WDFY1: variants seen among roughly 807,000 people sequenced by gnomAD.
WDFY1 encodes the protein WD repeat and FYVE domain-containing protein 1.
WDFY1 carries 32 observed loss-of-function variants against 56.4 expected under a neutral mutation model. That is an observed-to-expected ratio of 0.57 (90% CI 0.43 to 0.76). WDFY1 has a LOEUF of 0.76. WDFY1 is among the 30% of genes least tolerant of loss of function. The probability of loss-of-function intolerance (pLI) is 0.00; values close to 1 mark genes in which losing one functional copy is unlikely to be tolerated. For synonymous variants in WDFY1, 192 were observed against 197.3 expected (o/e 0.97, Z 0.23); for missense variants, 480 against 545.7 (o/e 0.88, Z 1.20).
chr2:223,939,591 G>A (rs1452512535), intron 1 of WDFY1, among the ~76,000 whole-genome samples: 2 of 152,130 alleles, frequency 1.3e-5, no homozygotes, highest in Admixed American at 1.3e-4. Context: ...TGTCTTACAT[G>A]GTAGCAGACA....
chr2:223,880,069 A>G, intron 11 of WDFY1, 55 bp downstream of exon 11: 2 of 1,446,116 alleles, frequency 1.4e-6, no homozygotes, highest in Non-Finnish European at 1.9e-6. Flanking sequence ...GCACATTCAC[A>G]GCATGGTAAT....
Position 223,878,302 on chromosome 2 carries a change from T to A in WDFY1, c.*369A>T, listed in dbSNP as rs1274909705. 3 of 158,910 alleles carry A rather than the reference T, an allele frequency of 1.9e-5. No individual in the cohort carries two copies. Among genetic ancestry groups the A allele is most frequent in the African/African-American group, 4.8e-5 (2 of 41,708 alleles). 9.8% of individuals were successfully genotyped at this position (158,910 alleles called of 1,614,324 possible). A position where few individuals can be genotyped will look rare whatever the true frequency, so the allele number is the denominator to read the frequency against. On this transcript the variant is annotated 3_prime_UTR_variant, in exon 12 of 12. Transcript: ENST00000233055. Reference sequence around the variant, plus strand: ...ACCCTGGAAGGCCCCCTAGGCTAAGTGAAGTGTCTGTACTTGTGACTGCTT... The same window carrying A: ...ACCCTGGAAGGCCCCCTAGGCTAAGAGAAGTGTCTGTACTTGTGACTGCTT...
At chr2:223,921,473 G>C (rs1380846577) in intron 1 of WDFY1, among the ~76,000 whole-genome samples, 1 of 152,106 alleles carries the variant, frequency 6.6e-6, no homozygotes, top group African/African-American at 2.4e-5. Flanking sequence ...AAAAAATAGA[G>C]AGGAAGAACA....
intron 8 of WDFY1, among the ~76,000 whole-genome samples, chr2:223,888,098 TTGAGACAGGGTCTC>T (rs1210214627): frequency 6.6e-6 from 1 of 152,172 alleles, no homozygotes; most frequent in Non-Finnish European, 1.5e-5. Flanking sequence ...ACTTTTTTTT[TTGAGACAGGGTCTC>T]GCTTTGTCAC....
At chr2:223,926,690 CAG>C (rs768883928) in intron 1 of WDFY1, among the ~76,000 whole-genome samples, 22 of 150,612 alleles carry the variant, frequency 1.5e-4, no homozygotes, top group Non-Finnish European at 2.8e-4. Flanking sequence ...ATTTTTGAAA[CAG>C]AGTCTCACTC....
intron 1 of WDFY1, among the ~76,000 whole-genome samples, chr2:223,928,230 G>A (rs963734972): frequency 5.3e-5 from 8 of 152,104 alleles, no homozygotes; most frequent in Non-Finnish European, 1.0e-4. Context: ...AGACTTGCCT[G>A]GTGCATGGTT....
At chr2:223,944,788 C>A (rs1689378033) in intron 1 of WDFY1, among the ~76,000 whole-genome samples, 1 of 145,560 alleles carries the variant, frequency 6.9e-6, no homozygotes, top group Admixed American at 6.8e-5. Context: ...CTGGGAGGGG[C>A]GCGGTAGGGC....
chr2:223,882,984 C>G (rs1336048365), intron 9 of WDFY1, among the ~76,000 whole-genome samples: 1 of 152,168 alleles, frequency 6.6e-6, no homozygotes, highest in Non-Finnish European at 1.5e-5. Flanking sequence ...CTGCCTCGGC[C>G]TCCCAAAGTG....
intron 1 of WDFY1, among the ~76,000 whole-genome samples, 175 bp from the exon 2 acceptor site, chr2:223,918,185 T>C (rs2106092496): frequency 6.6e-6 from 1 of 151,940 alleles, no homozygotes; most frequent in East Asian, 1.9e-4. Context: ...ATATAGTATA[T>C]AACATATATA....
intron 1 of WDFY1, among the ~76,000 whole-genome samples, chr2:223,924,611 G>A (rs555246727): frequency 1.1e-4 from 16 of 152,220 alleles, no homozygotes; most frequent in Admixed American, 2.6e-4. Context: ...TGATCTGCCC[G>A]CCTCGGCCTC....
At chr2:223,886,276 T>C (rs573231722) in intron 8 of WDFY1, among the ~76,000 whole-genome samples, 140 of 149,090 alleles carry the variant, frequency 9.4e-4, no homozygotes, top group African/African-American at 3.3e-3. Flanking sequence ...GAGGCGGAGG[T>C]TGCAGTGAGC....
intron 2 of WDFY1, 129 bp from the exon 3 acceptor site, chr2:223,912,455 T>C (rs747898337): frequency 1.7e-6 from 1 of 594,462 alleles, no homozygotes; most frequent in Non-Finnish European, 2.7e-6. Context: ...AAACGTTTTA[T>C]ACAAATTACG....
chr2:223,935,551 C>T (rs1366595366), intron 1 of WDFY1, among the ~76,000 whole-genome samples: 4 of 152,202 alleles, frequency 2.6e-5, no homozygotes, highest in Non-Finnish European at 5.9e-5. Context: ...TTACCATCTG[C>T]TTCTTAGGAA....
intron 1 of WDFY1, among the ~76,000 whole-genome samples, chr2:223,920,016 G>C (rs1269619420): frequency 6.6e-6 from 1 of 152,204 alleles, no homozygotes; most frequent in Non-Finnish European, 1.5e-5. Context: ...TGGCAATGAA[G>C]GGCATGATAA....
Position 223,945,137 on chromosome 2 carries a change from C to G in WDFY1, c.137+11G>C. Reference sequence around the variant, plus strand: ...GGAGTTCGGGCCGCCCCGGCTGCGCCCGGGCCCTACCTGTCCTCGCTGGCC... The same window carrying G: ...GGAGTTCGGGCCGCCCCGGCTGCGCGCGGGCCCTACCTGTCCTCGCTGGCC... On this transcript the variant is annotated intron_variant, in intron 1 of 11. Transcript: ENST00000233055. 6.3e-7 allele frequency: 1 copy of G among 1,581,546 alleles called. No individual in the cohort carries two copies. The highest frequency in any genetic ancestry group is 8.5e-7 in the Non-Finnish European group (1 of 1,169,754).
Position 223,885,720 on chromosome 2 carries a change from C to T in WDFY1, c.832-971G>A, listed in dbSNP as rs376774757. Among the ~76,000 whole-genome samples the T allele has an allele frequency of 7.9e-5, 12 of 152,300 alleles. No individual in the cohort carries two copies. The South Asian group carries it at 8.3e-4, about 11-fold the overall frequency. On this transcript the variant is annotated intron_variant, in intron 8 of 11. Transcript: ENST00000233055. ...GTGACCTACCACTTGGAAAGGCTTGCGGGGTCACAGGTGACTAACAGAAGA... is the reference window on the plus strand; with the variant it reads ...GTGACCTACCACTTGGAAAGGCTTGTGGGGTCACAGGTGACTAACAGAAGA...
At chr2:223,938,283 C>T (rs1574783903) in intron 1 of WDFY1, among the ~76,000 whole-genome samples, 1 of 152,288 alleles carries the variant, frequency 6.6e-6, no homozygotes, top group East Asian at 1.9e-4. Context: ...GGCCTATAGC[C>T]TTAACTTATT....
chr2:223,900,245 C>G (rs894156404), intron 5 of WDFY1, among the ~76,000 whole-genome samples: 3 of 152,134 alleles, frequency 2.0e-5, no homozygotes, highest in Admixed American at 2.0e-4. Flanking sequence ...AGAGGCCTAG[C>G]ACGTAACAAA....
chr2:223,887,178 G>A (rs34687489), intron 8 of WDFY1, among the ~76,000 whole-genome samples: 1 of 152,188 alleles, frequency 6.6e-6, no homozygotes, highest in Non-Finnish European at 1.5e-5. Context: ...GGTGGTGATG[G>A]AGGCTGGTGA....
Sources: allele counts gnomAD v4.1 joint callset (sites outside exome capture counted in the v4.1 genomes callset), GRCh38; gene constraint gnomAD v4.1.1; transcripts MANE v1.5; gene names NCBI Gene and HGNC (gene_info 2026-07-23, HGNC 2026-07-21).